KIF2A: variants seen among roughly 807,000 people sequenced by gnomAD.
KIF2A encodes kinesin family member 2A.
In KIF2A, 22 loss-of-function variants were observed where a neutral mutation model predicts 100.2. That is an observed-to-expected ratio of 0.22 (90% CI 0.16 to 0.31). The LOEUF (loss-of-function observed/expected upper bound fraction) is 0.31, where lower values mean the gene tolerates loss of function less well. Ranked by LOEUF, KIF2A falls within the 10% of genes least tolerant of loss-of-function variation. KIF2A has a pLI of 1.00. For missense variants in KIF2A, 495 were observed against 898.7 expected (o/e 0.55, Z 5.74); for synonymous variants, 268 against 285.9 (o/e 0.94, Z 0.63).
chr5:62,384,130 A>C (rs1741910650), intron 20 of KIF2A, among the ~76,000 whole-genome samples: 1 of 152,054 alleles, frequency 6.6e-6, no homozygotes, highest in African/African-American at 2.4e-5. Context: ...CCAGCTACTC[A>C]GGAGGCTGAG....
At chr5:62,382,467 A>G (rs1332643523) in intron 20 of KIF2A, among the ~76,000 whole-genome samples, 1 of 152,116 alleles carries the variant, frequency 6.6e-6, no homozygotes, top group Non-Finnish European at 1.5e-5. Context: ...GACAGATTAA[A>G]ATGTATGTAA....
chr5:62,373,967 A>G (rs562679042), intron 18 of KIF2A, 130 bp downstream of exon 18: 6 of 717,050 alleles, frequency 8.4e-6, no homozygotes, highest in African/African-American at 1.8e-5. Context: ...AATCTCACCA[A>G]TTTGGGAGGC....
At chr5:62,318,784 T>C (rs914255098) in intron 1 of KIF2A, among the ~76,000 whole-genome samples, 1 of 152,218 alleles carries the variant, frequency 6.6e-6, no homozygotes. Context: ...ATGCTTCTCT[T>C]TAGCCCACAT....
chr5:62,308,470 C>A, intron 1 of KIF2A: 1 of 851,216 alleles, frequency 1.2e-6, no homozygotes, highest in Non-Finnish European at 1.9e-6. Context: ...GCATTATTCA[C>A]AGTAGCCAAG....
chr5:62,356,671 A>G (rs1397363627), intron 7 of KIF2A, among the ~76,000 whole-genome samples: 3 of 152,204 alleles, frequency 2.0e-5, no homozygotes, highest in African/African-American at 7.2e-5. Context: ...GTTTCTTGCC[A>G]TAGTTATCTT....
intron 14 of KIF2A, among the ~76,000 whole-genome samples, chr5:62,364,800 C>T (rs1271160016): frequency 1.3e-5 from 2 of 151,998 alleles, no homozygotes; most frequent in African/African-American, 2.4e-5. Context: ...CTACACTATG[C>T]TTTAAAACTG....
intron 1 of KIF2A, among the ~76,000 whole-genome samples, chr5:62,330,585 A>G (rs982163746): frequency 6.6e-6 from 1 of 152,158 alleles, no homozygotes; most frequent in African/African-American, 2.4e-5. Flanking sequence ...CTTGGTCTGA[A>G]TGTGTGATTT....
At chr5:62,361,167 T>C in intron 9 of KIF2A, 75 bp from the exon 10 acceptor site, 1 of 676,310 alleles carries the variant, frequency 1.5e-6, no homozygotes, top group South Asian at 2.5e-5. Context: ...AATAAAATAC[T>C]TTGTATTACT....
chr5:62,350,002 C>T lies in KIF2A; in HGVS notation c.280-64C>T, dbSNP rs1747769329. 7.7e-6 allele frequency: 8 copies of T among 1,042,074 alleles called. No individual in the cohort carries two copies. The South Asian group carries it at 1.1e-4, about 14-fold the overall frequency. The allele number at this position is 1,042,074 out of a possible 1,614,324, so 64.6% of individuals were successfully genotyped here. On this transcript the variant is annotated intron_variant, in intron 3 of 20. Transcript: ENST00000407818. ...TACTTTTGTTTAATTGAAAGAAGCT[C>T]AGATCATGATACATATGAGGGAGTA...
intron 16 of KIF2A, among the ~76,000 whole-genome samples, chr5:62,370,276 CAATT>C (rs1741261260): frequency 6.6e-6 from 1 of 152,038 alleles, no homozygotes; most frequent in East Asian, 1.9e-4. Flanking sequence ...CATCAGATGA[CAATT>C]AGAGATACTT....
Position 62,362,516 on chromosome 5 carries a change from C to A in KIF2A, c.1094C>A (p.Thr365Asn). ...AAGCTAGAACTTCAAGTATATGCAACCTTCTTTGAAATTTATAGTGGAAAG... is the reference window on the plus strand; with the variant it reads ...AAGCTAGAACTTCAAGTATATGCAAACTTCTTTGAAATTTATAGTGGAAAG... ...YKKLELQVYA[T>N]FFEIYSGKVF... Residue 365 changes from threonine (T) to asparagine (N), a missense_variant, in exon 12 of 21, where the codon ACC becomes AAC. By Grantham distance (65) the Thr-to-Asn change is moderately conservative. Transcript: ENST00000407818. The A allele has an allele frequency of 6.9e-7, 1 of 1,444,360 alleles. No individual in the cohort carries two copies. The highest frequency in any genetic ancestry group is 9.1e-7 in the Non-Finnish European group (1 of 1,099,660). The allele number at this position is 1,444,360 out of a possible 1,614,324, so 89.5% of individuals were successfully genotyped here.
At chr5:62,352,154 A>G (rs1293753639) in intron 4 of KIF2A, among the ~76,000 whole-genome samples, 1 of 149,256 alleles carries the variant, frequency 6.7e-6, no homozygotes, top group Non-Finnish European at 1.5e-5. Flanking sequence ...CTTCATCTCA[A>G]AAAAAAAAAA....
At chr5:62,374,079 G>T (rs1317503030) in intron 18 of KIF2A, among the ~76,000 whole-genome samples, 3 of 152,116 alleles carry the variant, frequency 2.0e-5, no homozygotes, top group Non-Finnish European at 4.4e-5. Flanking sequence ...AGATGTGGTG[G>T]TATACACCTG....
At chr5:62,358,740 A>C (rs1291060946) in intron 9 of KIF2A, among the ~76,000 whole-genome samples, 1 of 152,214 alleles carries the variant, frequency 6.6e-6, no homozygotes, top group East Asian at 1.9e-4. Context: ...GCACGATCAC[A>C]GCTCACTGCA....
intron 1 of KIF2A, among the ~76,000 whole-genome samples, chr5:62,342,472 A>T (rs1747344912): frequency 6.6e-6 from 1 of 152,156 alleles, no homozygotes; most frequent in Non-Finnish European, 1.5e-5. Context: ...TAGTACCTTC[A>T]GGGCCTTTAG....
intron 1 of KIF2A, among the ~76,000 whole-genome samples, chr5:62,341,695 G>A (rs558729448): frequency 4.6e-5 from 7 of 152,010 alleles, no homozygotes; most frequent in South Asian, 2.1e-4. Context: ...GTCCTGGTAC[G>A]AATTTTGCTC....
At position 62,363,028 on chromosome 5, in the gene KIF2A, A is replaced by G. The variant is rs181641857; in HGVS notation, c.1120-150A>G. On this transcript the variant is annotated intron_variant, in intron 12 of 20. Coordinates refer to ENST00000407818, the MANE Select transcript of KIF2A (RefSeq NM_001098511.3). ...TTTTTAGCAGAGACAAGGTCTCACT[A>G]TGTTGCCCAGGCTGGTTTTGAACTC... The G allele has an allele frequency of 1.1e-3, 601 of 565,546 alleles. 8 individuals carry two copies. In the East Asian group the frequency reaches 0.018, roughly 17 times the overall value. The allele number at this position is 565,546 out of a possible 1,614,324, so 35.0% of individuals were successfully genotyped here.
intron 16 of KIF2A, among the ~76,000 whole-genome samples, chr5:62,369,073 C>T (rs1191056753): frequency 2.6e-5 from 4 of 152,120 alleles, no homozygotes; most frequent in Admixed American, 2.6e-4. Context: ...TTTGAAACTA[C>T]AAAAGATTCC....
At chr5:62,374,161 GT>G (rs2111987099) in intron 18 of KIF2A, among the ~76,000 whole-genome samples, 1 of 152,320 alleles carries the variant, frequency 6.6e-6, no homozygotes, top group East Asian at 1.9e-4. Flanking sequence ...GTAGTGGACT[GT>G]CATAGCATCA....
Sources: gnomAD v4.1 joint callset for allele counts (sites outside exome capture counted in the v4.1 genomes callset) on GRCh38, gnomAD v4.1.1 for gene constraint, MANE v1.5 for transcripts, NCBI Gene and HGNC (gene_info 2026-07-23, HGNC 2026-07-21) for gene names.